SORBS2: variants seen among roughly 807,000 people sequenced by gnomAD.
SORBS2 encodes sorbin and SH3 domain containing 2.
Under a neutral mutation model 97.7 loss-of-function variants are expected in SORBS2, and 46 were observed. The ratio of observed to expected loss-of-function variants is 0.47; its 90% CI spans 0.37 to 0.60. SORBS2 has a LOEUF of 0.60. Ranked by LOEUF, SORBS2 falls within the 20% of genes least tolerant of loss-of-function variation. The pLI is 0.00. For synonymous variants in SORBS2, 476 were observed against 473.4 expected, an observed-to-expected ratio of 1.01 and a Z score of -0.07; for missense variants, 1,316 against 1,282.3, an observed-to-expected ratio of 1.03 and a Z score of -0.40.
intron 1 of SORBS2, among the ~76,000 whole-genome samples, chr4:185,908,308 T>TACACACAA (rs2099252646): frequency 7.9e-5 from 9 of 114,072 alleles, no homozygotes; most frequent in African/African-American, 2.5e-4. Flanking sequence ...TATATATATA[T>TACACACAA]ATATATATAT....
At chr4:185,838,946 G>C (rs1230041000) in intron 1 of SORBS2, among the ~76,000 whole-genome samples, 1 of 152,144 alleles carries the variant, frequency 6.6e-6, no homozygotes. Flanking sequence ...TTATTTCTAT[G>C]TTGTTTCTTT....
At chr4:185,938,389 T>TACACACACACACAC (rs34337257) in intron 1 of SORBS2, among the ~76,000 whole-genome samples, 218 of 136,492 alleles carry the variant, frequency 1.6e-3, no homozygotes, top group East Asian at 5.2e-3. Context: ...TGTAGACACA[T>TACACACACACACAC]ACACACACAC....
chr4:185,635,953 G>C (rs2096991161), intron 4 of SORBS2, among the ~76,000 whole-genome samples: 1 of 152,090 alleles, frequency 6.6e-6, no homozygotes, highest in South Asian at 2.1e-4. Flanking sequence ...CTGCCACCAG[G>C]GTTCAAGTGA....
At chr4:185,855,579 CT>C (rs1317716743) in intron 1 of SORBS2, among the ~76,000 whole-genome samples, 4 of 152,152 alleles carry the variant, frequency 2.6e-5, no homozygotes, top group Non-Finnish European at 5.9e-5. Context: ...ATTTTCTTCT[CT>C]GAAAAACCAT....
At chr4:185,649,633 C>A in exon 3 of SORBS2, 1 of 1,554,872 alleles carries the variant, frequency 6.4e-7, no homozygotes, top group Non-Finnish European at 8.7e-7. Flanking sequence ...TGTGACTGAG[C>A]ACTGTAGGGT....
At chr4:185,661,955 T>G, upstream of SORBS2, 3 of 762,036 alleles carry the variant, frequency 3.9e-6, no homozygotes, top group Non-Finnish European at 6.3e-6. Flanking sequence ...TTTCCTCCCA[T>G]GTTGGGTCCT....
intron 1 of SORBS2, among the ~76,000 whole-genome samples, chr4:185,844,880 T>C (rs2099213644): frequency 6.6e-6 from 1 of 152,140 alleles, no homozygotes; most frequent in Non-Finnish European, 1.5e-5. Context: ...ACGATTCCAT[T>C]CCATTTATAC....
intron 1 of SORBS2, among the ~76,000 whole-genome samples, chr4:185,916,741 T>A (rs1022154091): frequency 6.6e-6 from 1 of 152,180 alleles, no homozygotes; most frequent in Non-Finnish European, 1.5e-5. Context: ...AGGAGAGCGA[T>A]GCTATTAAAC....
intron 1 of SORBS2, among the ~76,000 whole-genome samples, chr4:185,786,380 A>C (rs1187217354): frequency 6.6e-6 from 1 of 152,234 alleles, no homozygotes; most frequent in Non-Finnish European, 1.5e-5. Flanking sequence ...GGACTTTGTA[A>C]GGCCCTGTGA....
chr4:185,936,864 G>C lies in SORBS2; in HGVS notation c.-338+19332C>G, dbSNP rs189987868. Reference sequence around the variant, plus strand: ...ACCAACAGCACAGCATGCACGGCACGGCACAGCATGGCACGGGCTGTCAGT... The same window carrying C: ...ACCAACAGCACAGCATGCACGGCACCGCACAGCATGGCACGGGCTGTCAGT... On this transcript the variant is annotated intron_variant, in intron 1 of 20. Coordinates refer to the SORBS2 transcript ENST00000284776. 1.6e-4 allele frequency among the ~76,000 whole-genome samples: 25 copies of C among 152,274 alleles called. No individual in the cohort carries two copies. The East Asian group carries it at 3.7e-3, about 22-fold the overall frequency.
At chr4:185,904,537 A>G (rs1262975459) in intron 1 of SORBS2, among the ~76,000 whole-genome samples, 1 of 152,214 alleles carries the variant, frequency 6.6e-6, no homozygotes, top group Admixed American at 6.5e-5. Flanking sequence ...AAAGGCGGTT[A>G]GGAACAGGAA....
At chr4:185,919,266 C>T in intron 1 of SORBS2, 1 of 152,170 alleles carries the variant, frequency 6.6e-6, no homozygotes, top group East Asian at 1.9e-4. Flanking sequence ...CATAAGTGTT[C>T]TGCCTAGAAA....
chr4:185,843,614 G>C (rs2099212891), intron 1 of SORBS2, among the ~76,000 whole-genome samples: 1 of 152,036 alleles, frequency 6.6e-6, no homozygotes. Context: ...AAAATACTTA[G>C]AAATAAATCT....
intron 1 of SORBS2, among the ~76,000 whole-genome samples, chr4:185,953,328 A>C (rs1483981549): frequency 6.6e-6 from 1 of 152,164 alleles, no homozygotes; most frequent in African/African-American, 2.4e-5. Context: ...AACACAAACA[A>C]TAATAATCAT....
intron 2 of SORBS2, among the ~76,000 whole-genome samples, chr4:185,698,538 C>T (rs1397550886): frequency 1.3e-5 from 2 of 152,076 alleles, no homozygotes; most frequent in Non-Finnish European, 2.9e-5. Context: ...AGAAAAACAA[C>T]ATAGGAAATC....
At chr4:185,826,237 C>T (rs914625120) in intron 1 of SORBS2, among the ~76,000 whole-genome samples, 4 of 152,102 alleles carry the variant, frequency 2.6e-5, no homozygotes, top group African/African-American at 9.7e-5. Flanking sequence ...GGATTTTCTC[C>T]ACAGTTTTTC....
At chr4:185,652,206 C>T (rs1399113726) in intron 2 of SORBS2, among the ~76,000 whole-genome samples, 1 of 152,140 alleles carries the variant, frequency 6.6e-6, no homozygotes, top group East Asian at 1.9e-4. Context: ...AAAGTCAGGC[C>T]CTTGTCCTCG....
intron 1 of SORBS2, among the ~76,000 whole-genome samples, chr4:185,925,667 T>G (rs955475612): frequency 1.3e-5 from 2 of 152,182 alleles, no homozygotes; most frequent in African/African-American, 4.8e-5. Flanking sequence ...TTTCGCTGAG[T>G]GACAACTGTC....
At chr4:185,587,541 A>C in exon 15 of SORBS2, 1 of 1,193,228 alleles carries the variant, frequency 8.4e-7, no homozygotes, top group South Asian at 1.3e-5. Context: ...GTAAGGCATG[A>C]CAACGGGAGG....
Sources: allele counts gnomAD v4.1 joint callset (sites outside exome capture counted in the v4.1 genomes callset), GRCh38; gene constraint gnomAD v4.1.1; transcripts MANE v1.5; gene names NCBI Gene and HGNC (gene_info 2026-07-23, HGNC 2026-07-21).